GRIK5: variants seen among roughly 807,000 people sequenced by gnomAD.
GRIK5 encodes the protein glutamate receptor ionotropic, kainate 5.
A neutral mutation model predicts 97.4 loss-of-function variants in GRIK5; 43 were observed. The observed-to-expected ratio is 0.44, with a 90% confidence interval of 0.35 to 0.57. GRIK5 has a LOEUF of 0.57. Among genes scored for constraint, GRIK5 ranks in the 20% least tolerant of loss-of-function variants. GRIK5 has a pLI of 0.01. For missense variants in GRIK5, 1,015 were observed against 1,382.0 expected, an observed-to-expected ratio of 0.73 and a Z score of 4.21; for synonymous variants, 580 against 583.5, an observed-to-expected ratio of 0.99 and a Z score of 0.09.
At chr19:42,039,301 C>T (rs141879588) in intron 12 of GRIK5, among the ~76,000 whole-genome samples, 37 of 152,214 alleles carry the variant, frequency 2.4e-4, no homozygotes, top group African/African-American at 8.2e-4. Context: ...TGGCGAAACC[C>T]ATCTCTACTA....
intron 19 of GRIK5, chr19:42,001,685 A>AT (rs1349404770): frequency 1.2e-5 from 2 of 166,054 alleles, no homozygotes; most frequent in Non-Finnish European, 2.6e-5. Flanking sequence ...GCCAAAAAAC[A>AT]TGACTATGAC....
chr19:42,028,824 T>C (rs1167230249), intron 12 of GRIK5, among the ~76,000 whole-genome samples: 1 of 152,258 alleles, frequency 6.6e-6, no homozygotes, highest in African/African-American at 2.4e-5. Flanking sequence ...AAAGTTTTAT[T>C]GGAACACAGT....
intron 6 of GRIK5, among the ~76,000 whole-genome samples, chr19:42,057,848 T>A (rs998030324): frequency 3.9e-5 from 6 of 152,150 alleles, no homozygotes; most frequent in Non-Finnish European, 8.8e-5. Flanking sequence ...TTTCTCATAA[T>A]CCTCGAGGAA....
chr19:42,066,256 G>A (rs557796152), intron 1 of GRIK5, among the ~76,000 whole-genome samples: 1 of 152,262 alleles, frequency 6.6e-6, no homozygotes, highest in African/African-American at 2.4e-5. Context: ...AGAGGATGCG[G>A]TGGTTGCTAG....
intron 12 of GRIK5, among the ~76,000 whole-genome samples, chr19:42,041,396 C>T (rs959391935): frequency 6.6e-6 from 1 of 152,210 alleles, no homozygotes; most frequent in Admixed American, 6.5e-5. Flanking sequence ...TAGTTTCTCC[C>T]ACCTGGAATA....
At chr19:42,014,562 C>T (rs1033052461) in intron 15 of GRIK5, among the ~76,000 whole-genome samples, 2 of 152,084 alleles carry the variant, frequency 1.3e-5, no homozygotes, top group East Asian at 3.9e-4. Flanking sequence ...GCAGGTGGAT[C>T]ACTTGAGGTC....
chr19:42,004,212 C>T (rs1465041144), intron 17 of GRIK5, among the ~76,000 whole-genome samples: 1 of 152,168 alleles, frequency 6.6e-6, no homozygotes, highest in Non-Finnish European at 1.5e-5. Flanking sequence ...CCACCTAACA[C>T]TGTATTATAT....
rs782773373 is a variant in GRIK5, at chr19:42,003,592, C to A, written c.2355G>T (p.Gly785=). The A allele has an allele frequency of 1.2e-6, 2 of 1,613,356 alleles. No individual in the cohort carries two copies. The highest frequency in any genetic ancestry group is 2.2e-5 in the South Asian group (2 of 90,928). The change falls in exon 18 of 20, where the codon GGG becomes GGT. Residue 785 remains glycine (G), a synonymous_variant. Coordinates refer to ENST00000593562, the MANE Select transcript of GRIK5 (RefSeq NM_002088.5). This position sits in a 1 kb window ranked among gnomAD's most constrained non-coding sequence, Gnocchi z 4.2. ...LEILKRKWWE[G]GRCPKEEDHR... ...GGTCCTCCTCCTTGGGGCACCGGCC[C>A]CCCTCCCACCACTTGCGCTTCAGGA... is the stretch of plus-strand genomic sequence containing the variant.
chr19:42,033,691 A>G (rs1362459564), intron 12 of GRIK5, among the ~76,000 whole-genome samples: 1 of 152,182 alleles, frequency 6.6e-6, no homozygotes, highest in Non-Finnish European at 1.5e-5. Context: ...ATTTCACCTC[A>G]GTAAAAAAGA....
At chr19:42,027,543 A>G (rs2075787173) in intron 12 of GRIK5, among the ~76,000 whole-genome samples, 1 of 152,218 alleles carries the variant, frequency 6.6e-6, no homozygotes, top group Non-Finnish European at 1.5e-5. Context: ...AGGACATTGC[A>G]TGAGGATGTC....
rs782244886 is a variant in GRIK5, at chr19:42,005,709, G to A, written c.2263+14C>T. 1.1e-5 allele frequency: 18 copies of A among 1,578,480 alleles called. No homozygotes were observed. The highest frequency in any genetic ancestry group is 6.7e-5 in the African/African-American group (5 of 74,250). On this transcript the variant is annotated intron_variant, in intron 17 of 19. Coordinates refer to ENST00000593562, the MANE Select transcript of GRIK5 (RefSeq NM_002088.5). ...CCACGGCCCTGCTGTGTTCCACACC[G>A]TGCTGTGCCGTACCCAGCGGCATGC...
At chr19:42,001,717 C>G (rs2075425176) in intron 19 of GRIK5, 1 of 192,998 alleles carries the variant, frequency 5.2e-6, no homozygotes, top group Non-Finnish European at 1.1e-5. Flanking sequence ...CCCATGGCAG[C>G]CAGAAACATC....
intron 3 of GRIK5, among the ~76,000 whole-genome samples, chr19:42,064,156 T>A (rs1053383921): frequency 1.3e-5 from 2 of 152,150 alleles, no homozygotes; most frequent in Non-Finnish European, 2.9e-5. Context: ...CAGACATATA[T>A]CAGAGTACAC....
intron 5 of GRIK5, among the ~76,000 whole-genome samples, chr19:42,061,040 T>C (rs1247508192): frequency 1.3e-5 from 2 of 151,594 alleles, no homozygotes; most frequent in African/African-American, 2.4e-5. Context: ...ATAAATACCT[T>C]TATTTATTTA....
intron 11 of GRIK5, among the ~76,000 whole-genome samples, chr19:42,048,067 T>G (rs1174152574): frequency 2.0e-5 from 3 of 150,758 alleles, no homozygotes; most frequent in Non-Finnish European, 4.4e-5. Context: ...CAGACCCAAA[T>G]GTAAAAGGCA....
In GRIK5 at chr19:42,003,413, G is replaced by A. The variant is rs1599740743; in HGVS notation, c.2433C>T (p.Leu811=). 8.1e-6 allele frequency: 13 copies of A among 1,613,692 alleles called. No homozygotes were observed. Among genetic ancestry groups the A allele is most frequent in the African/African-American group, 4.0e-5 (3 of 74,958 alleles). ...AGACAGCAATGATGAGGCCACAGAT[G>A]AGCACGATAAAAATGCCACCAATGT... ...MENIGGIFIV[L]ICGLIIAVFV... is the part of the protein sequence containing the mutation. The change falls in exon 19 of 20, where the codon CTC becomes CTT. Residue 811 remains leucine, a synonymous_variant. Coordinates refer to ENST00000593562, the MANE Select transcript of GRIK5 (RefSeq NM_002088.5). This position sits in a 1 kb window ranked among gnomAD's most constrained non-coding sequence, Gnocchi z 4.2.
chr19:42,025,507 C>T (rs972960382), intron 12 of GRIK5, among the ~76,000 whole-genome samples: 2 of 152,024 alleles, frequency 1.3e-5, no homozygotes, highest in Admixed American at 6.6e-5. Flanking sequence ...AATATGGCGG[C>T]GGCAGCAGCC....
intron 11 of GRIK5, among the ~76,000 whole-genome samples, chr19:42,043,582 T>C (rs1359514300): frequency 2.6e-5 from 4 of 152,008 alleles, no homozygotes; most frequent in African/African-American, 9.7e-5. Flanking sequence ...AATTTTGTTT[T>C]TGTATTTTTA....
chr19:42,029,800 G>A (rs1365999109), intron 12 of GRIK5, among the ~76,000 whole-genome samples: 1 of 152,150 alleles, frequency 6.6e-6, no homozygotes, highest in African/African-American at 2.4e-5. Flanking sequence ...AAAGCCTTAC[G>A]GGCTGTAGGG....
Sources: gnomAD v4.1 joint callset for allele counts (sites outside exome capture counted in the v4.1 genomes callset) on GRCh38, gnomAD v4.1.1 for gene constraint, Gnocchi (gnomAD v3.1) non-coding constraint, MANE v1.5 for transcripts, NCBI Gene and HGNC (gene_info 2026-07-23, HGNC 2026-07-21) for gene names.